The following STMN2 variants were observed in gnomAD, a reference collection of about 807,000 sequenced individuals.
The protein encoded by STMN2 is stathmin-2.
Under a neutral mutation model 24.1 loss-of-function variants are expected in STMN2, and 2 were observed. That is an observed-to-expected ratio of 0.08 (90% confidence interval 0.03 to 0.26). STMN2 has a LOEUF of 0.26. Ranked by LOEUF, STMN2 falls within the 10% of genes least tolerant of loss-of-function variation. The pLI is 1.00. For missense variants in STMN2, 114 were observed against 213.6 expected, an observed-to-expected ratio of 0.53 and a Z score of 2.91; for synonymous variants, 83 against 77.5, an observed-to-expected ratio of 1.07 and a Z score of -0.37.
chr8:79,624,470 AAAAAAAAAGAAAG>A (rs1426439347), intron 1 of STMN2, among the ~76,000 whole-genome samples: 3 of 148,388 alleles, frequency 2.0e-5, no homozygotes, highest in African/African-American at 7.3e-5. Context: ...AAAAAAAAAA[AAAAAAAAAGAAAG>A]AAAGAAAGAA....
chr8:79,612,117 G>A (rs1809248359), intron 1 of STMN2, among the ~76,000 whole-genome samples: 1 of 150,840 alleles, frequency 6.6e-6, no homozygotes, highest in Admixed American at 6.6e-5. Context: ...GGTCGGGTGG[G>A]GAGCGCAGCG....
At chr8:79,613,916 G>A (rs1809314332) in intron 1 of STMN2, among the ~76,000 whole-genome samples, 2 of 152,368 alleles carry the variant, frequency 1.3e-5, no homozygotes, top group African/African-American at 4.8e-5. Context: ...TCTCTGCAAA[G>A]AATTGTTTGT....
rs1806573033 is a variant in STMN2 at position 79,664,995 on chromosome 8, A to C, written c.*121A>C. The C allele has an allele frequency of 1.2e-6, 1 of 854,564 alleles. No homozygotes were observed. Among genetic ancestry groups the C allele is most frequent in the Admixed American group, 4.2e-5 (1 of 24,090 alleles). The allele number at this position is 854,564 out of a possible 1,614,324, so 52.9% of individuals were successfully genotyped here. ...GTTTAAAAAGAACTCATTATAAAAAAAAAAAAACAAAAAAAATCAAAAATT... is the reference window on the plus strand; with the variant it reads ...GTTTAAAAAGAACTCATTATAAAAACAAAAAAACAAAAAAAATCAAAAATT... On this transcript the variant is annotated 3_prime_UTR_variant, in exon 5 of 5. Transcript: ENST00000220876.
At chr8:79,653,259 C>A (rs1392842076) in intron 3 of STMN2, among the ~76,000 whole-genome samples, 1 of 152,146 alleles carries the variant, frequency 6.6e-6, no homozygotes, top group Admixed American at 6.5e-5. Flanking sequence ...CACCTGTAAT[C>A]TCAGCTACTC....
chr8:79,646,849 T>G (rs149261996), intron 3 of STMN2, among the ~76,000 whole-genome samples: 1 of 152,136 alleles, frequency 6.6e-6, no homozygotes, highest in African/African-American at 2.4e-5. Flanking sequence ...AGGAAAACAT[T>G]CTAGACTAAG....
chr8:79,640,713 C>T (rs1810076948), intron 2 of STMN2, among the ~76,000 whole-genome samples: 1 of 152,212 alleles, frequency 6.6e-6, no homozygotes, highest in Non-Finnish European at 1.5e-5. Flanking sequence ...GGAGTGGGCA[C>T]TGTGCATGAT....
intron 1 of STMN2, among the ~76,000 whole-genome samples, chr8:79,624,433 G>A (rs1336570479): frequency 5.8e-5 from 7 of 120,956 alleles, no homozygotes; most frequent in Admixed American, 1.1e-4. Context: ...CAGCCTGGGC[G>A]ACAGAGCGAG....
chr8:79,613,377 C>A, intron 1 of STMN2: 1 of 985,314 alleles, frequency 1.0e-6, no homozygotes, highest in African/African-American at 1.7e-5. Flanking sequence ...GCCCTGCGCT[C>A]CCCTCCCCGG....
At chr8:79,656,314 C>A (rs1806359712) in intron 4 of STMN2, among the ~76,000 whole-genome samples, 1 of 152,090 alleles carries the variant, frequency 6.6e-6, no homozygotes, top group African/African-American at 2.4e-5. Flanking sequence ...GGGCAAGAAC[C>A]GGAATAGTTA....
In STMN2 at chr8:79,661,919, G is replaced by A. The variant is rs552099009; in HGVS notation, c.481-2896G>A. Among the ~76,000 whole-genome samples the A allele has an allele frequency of 7.9e-5, 12 of 152,216 alleles. No homozygotes were observed. The South Asian group carries it at 2.3e-3, about 29-fold the overall frequency. On this transcript the variant is annotated intron_variant, in intron 4 of 4. Transcript: ENST00000220876. The stretch of plus-strand genomic sequence containing the variant: ...GTGCATAGTCATTAGTAAAAAGAAG[G>A]ATTTTTGATGATACTGACCTCATCT...
At chr8:79,616,824 C>T (rs1809391606) in intron 1 of STMN2, among the ~76,000 whole-genome samples, 1 of 152,066 alleles carries the variant, frequency 6.6e-6, no homozygotes, top group Non-Finnish European at 1.5e-5. Flanking sequence ...TATTGCAGGA[C>T]TCGGCAGAAG....
chr8:79,658,633 T>TAA (rs1257201870), intron 4 of STMN2, among the ~76,000 whole-genome samples: 5 of 152,178 alleles, frequency 3.3e-5, no homozygotes, highest in African/African-American at 1.2e-4. Context: ...CCCTATCAAT[T>TAA]AAGCAAGAGA....
At chr8:79,617,191 G>A (rs1031166253) in intron 1 of STMN2, among the ~76,000 whole-genome samples, 2 of 151,970 alleles carry the variant, frequency 1.3e-5, no homozygotes, top group African/African-American at 4.8e-5. Context: ...AGCCAATAAA[G>A]GATCTTCATT....
chr8:79,620,545 T>C (rs1809490065), intron 1 of STMN2, among the ~76,000 whole-genome samples: 1 of 152,122 alleles, frequency 6.6e-6, no homozygotes, highest in Admixed American at 6.5e-5. Flanking sequence ...GAAAAAAAGA[T>C]CCTGTACATG....
At chr8:79,633,360 A>C (rs139047058) in intron 1 of STMN2, among the ~76,000 whole-genome samples, 5 of 152,342 alleles carry the variant, frequency 3.3e-5, no homozygotes, top group African/African-American at 1.2e-4. Context: ...TAAAAATGCT[A>C]TTAAAGGAAT....
At chr8:79,611,886 A>T in intron 1 of STMN2, 7 of 69,492 alleles carry the variant, frequency 1.0e-4, no homozygotes, top group Non-Finnish European at 1.5e-4. Flanking sequence ...GAGGGCGTGG[A>T]GGGCGCGGGT....
intron 1 of STMN2, among the ~76,000 whole-genome samples, chr8:79,632,380 A>C (rs1269723048): frequency 1.3e-5 from 2 of 152,190 alleles, no homozygotes; most frequent in Admixed American, 1.3e-4. Flanking sequence ...AAAGGAAAAA[A>C]ATGAGGTTGC....
At chr8:79,655,848 G>A (rs1048927931) in intron 4 of STMN2, among the ~76,000 whole-genome samples, 6 of 152,164 alleles carry the variant, frequency 3.9e-5, no homozygotes, top group Non-Finnish European at 7.3e-5. Flanking sequence ...TGAGAAATGG[G>A]ATGTTTGAGA....
At chr8:79,624,584 A>G (rs1809608569) in intron 1 of STMN2, among the ~76,000 whole-genome samples, 1 of 152,226 alleles carries the variant, frequency 6.6e-6, no homozygotes, top group Non-Finnish European at 1.5e-5. Context: ...ACTCATTGCA[A>G]AAAGAAGATG....
Sources: allele counts gnomAD v4.1 joint callset (sites outside exome capture counted in the v4.1 genomes callset), GRCh38; gene constraint gnomAD v4.1.1; transcripts MANE v1.5; gene names NCBI Gene and HGNC (gene_info 2026-07-23, HGNC 2026-07-21).